Variants in TTN observed in about 807,000 individuals in gnomAD.
TTN encodes connectin.
A neutral mutation model predicts 3,223.0 loss-of-function variants in TTN; 1,525 were observed. That is an observed-to-expected ratio of 0.47 (90% CI 0.45 to 0.49). TTN has a LOEUF of 0.49. Among genes scored for constraint, TTN ranks in the 20% least tolerant of loss-of-function variants. The probability of loss-of-function intolerance (pLI) is 0.00; values close to 1 mark genes in which losing one functional copy is unlikely to be tolerated. For synonymous variants in TTN, 14,094 were observed against 15,161.0 expected (o/e 0.93, Z 5.17); for missense variants, 40,786 against 43,424.0 (o/e 0.94, Z 5.40).
At chr2:178,541,672 TTGG>T in intron 349 of TTN, 88 bp from the exon 350 acceptor site, 4 of 1,294,666 alleles carry the variant, frequency 3.1e-6, no homozygotes, top group Non-Finnish European at 4.1e-6. Context: ...TAGGTTTTGG[TTGG>T]TATTTTAAAA....
chr2:178,636,387 C>A lies in TTN; in HGVS notation c.41329+11G>T. The A allele has an allele frequency of 6.3e-7, 1 of 1,592,086 alleles. No individual in the cohort carries two copies. The highest frequency in any genetic ancestry group is 1.1e-5 in the South Asian group (1 of 87,412). On this transcript the variant is annotated intron_variant, in intron 225 of 362. Coordinates refer to ENST00000589042, the MANE Select transcript of TTN (RefSeq NM_001267550.2). The surrounding 1 kb of genome is among the most constrained non-coding windows in gnomAD (Gnocchi z 4.3). ...TTTAATATAGATTATGTTCAGAAGA[C>A]TAGAAATTACCTTCTACAACAAGTT... is the stretch of plus-strand genomic sequence containing the variant.
In TTN at chr2:178,784,085, G is replaced by C; in HGVS notation, c.2760C>G (p.His920Gln). The C allele has an allele frequency of 5.6e-6, 9 of 1,613,468 alleles. No homozygotes were observed. The highest frequency in any genetic ancestry group is 6.8e-6 in the Non-Finnish European group (8 of 1,179,972). Residue 920 changes from histidine (H) to glutamine (Q), a missense_variant, in exon 16 of 363, where the codon CAC (histidine) becomes CAG (glutamine). His to Gln is a conservative substitution (Grantham distance 24). Transcript: ENST00000589042. Reference sequence around the variant, plus strand: ...AGTGACCAACCTTGGCTTCGCGTCCGTGCAGTACTTCAAAGCGCTCTTCAC... The same window carrying C: ...AGTGACCAACCTTGGCTTCGCGTCCCTGCAGTACTTCAAAGCGCTCTTCAC... ...TVREERFEVL[H>Q]GREAKVTETA...
At chr2:178,615,246 A>G (rs528074366) in intron 259 of TTN, 61 bp downstream of exon 259, 3 of 1,575,496 alleles carry the variant, frequency 1.9e-6, no homozygotes, top group Non-Finnish European at 2.6e-6. Context: ...ATTTTCCCCA[A>G]CAAAGCCCAT....
At chr2:178,610,028 T>C (rs1459158505) in intron 271 of TTN, 42 bp from the exon 272 acceptor site, 1 of 1,610,298 alleles carries the variant, frequency 6.2e-7, no homozygotes, top group Admixed American at 1.7e-5. Context: ...GAAAACCACC[T>C]TCTTAAAACA....
In TTN at chr2:178,621,607, T is replaced by C. The variant is rs1444196912; in HGVS notation, c.45217A>G (p.Thr15073Ala). The change falls in exon 245 of 363, where the codon ACA becomes GCA. Residue 15073 changes from threonine (T) to alanine (A), a missense_variant. Thr to Ala is a moderately conservative substitution (Grantham distance 58). Coordinates refer to ENST00000589042, the MANE Select transcript of TTN (RefSeq NM_001267550.2). ...TCAGTCAGTATTTCATATCTTCCTG[T>C]TTCAATGATCTCCTCATCCCCTTTA... ...WYKGDEEIIE[T>A]GRYEILTEGR... 4.3e-6 allele frequency: 7 copies of C among 1,612,546 alleles called. No homozygotes were observed. The highest frequency in any genetic ancestry group is 5.1e-6 in the Non-Finnish European group (6 of 1,179,110).
chr2:178,787,721 C>G (rs1255997005), intron 13 of TTN, among the ~76,000 whole-genome samples: 3 of 152,030 alleles, frequency 2.0e-5, no homozygotes, highest in South Asian at 4.2e-4. Context: ...ATGGAAAAAT[C>G]TTAATCATGG....
intron 321 of TTN, among the ~76,000 whole-genome samples, 188 bp from the exon 322 acceptor site, chr2:178,578,373 C>CT (rs1369252712): frequency 6.6e-6 from 1 of 151,222 alleles, no homozygotes; most frequent in African/African-American, 2.4e-5. Flanking sequence ...TAGTTGTTGT[C>CT]TTTTTTGGTG....
At chr2:178,677,551 G>A (rs1577289604) in intron 146 of TTN, 70 bp downstream of exon 146, 2 of 1,458,110 alleles carry the variant, frequency 1.4e-6, no homozygotes, top group South Asian at 1.4e-5. Context: ...AACTGGAGAT[G>A]AACAAAAGGA....
chr2:178,589,758 G>A lies in TTN; in HGVS notation c.61967C>T (p.Thr20656Ile), dbSNP rs1363633199. 2.5e-6 allele frequency: 4 copies of A among 1,613,516 alleles called. No homozygotes were observed. The highest frequency in any genetic ancestry group is 3.4e-6 in the Non-Finnish European group (4 of 1,179,586). ...GTTAATAGCCAGAATGGGAGTTTTT[G>A]TTTCGATGGTTGGCCCAACACCTAC... is the stretch of plus-strand genomic sequence containing the variant. Reference protein sequence around the residue: ...NKVGVGPTIETKTPILAINPI... With the variant: ...NKVGVGPTIEIKTPILAINPI... The change falls in exon 304 of 363, where the codon ACA becomes ATA. Residue 20656 changes from threonine (T) to isoleucine (I), a missense_variant. By Grantham distance (89) the Thr-to-Ile change is moderately conservative. Coordinates refer to ENST00000589042, the MANE Select transcript of TTN (RefSeq NM_001267550.2).
rs2055912067 is a variant in TTN, at chr2:178,609,973, TG to T, written c.51449del (p.Pro17150HisfsTer3). ...IAQDPKQPPD[P>X]PVDVEVHNPT... ...GATTATGAACCTCTACATCTACAGG[TG>T]GATCAGGGGGTTCTGAAGAACAAGA... On this transcript the variant is annotated frameshift_variant, in exon 272 of 363. Coordinates refer to ENST00000589042, the MANE Select transcript of TTN (RefSeq NM_001267550.2). LOFTEE classifies it high-confidence loss of function. 1 of 1,611,604 alleles carries T rather than the reference TG, an allele frequency of 6.2e-7. No homozygotes were observed. The highest frequency in any genetic ancestry group is 8.5e-7 in the Non-Finnish European group (1 of 1,178,886).
chr2:178,725,647 G>T lies in TTN; in HGVS notation c.20557C>A (p.Pro6853Thr). Residue 6853 changes from proline (P) to threonine (T), a missense_variant and splice_region_variant, in exon 71 of 363, where the codon CCA (proline) becomes ACA (threonine). Transcript: ENST00000589042. ...TTCAGTTTGGAGACAAATCTTGGTG[G>T]TTCTGAACAGGAAAAGATGGATGGA... ...TCVCTVKLKE[P>T]PRFVSKLNSL... is the part of the protein sequence containing the mutation. The T allele has an allele frequency of 6.4e-7, 1 of 1,574,276 alleles. No homozygotes were observed. Among genetic ancestry groups the T allele is most frequent in the Non-Finnish European group, 8.6e-7 (1 of 1,159,300 alleles).
chr2:178,570,013 G>A lies in TTN; in HGVS notation c.76119C>T (p.His25373=), dbSNP rs764739209. ...RLRVTGLIEN[H]DYEFRVSAEN... ...CAGCAGAAACTCTGAACTCATAATC[G>A]TGATTTTCTATGAGTCCAGTTACTC... Residue 25373 remains histidine (H), a synonymous_variant, in exon 326 of 363, where the codon CAC becomes CAT. Coordinates refer to ENST00000589042, the MANE Select transcript of TTN (RefSeq NM_001267550.2). 17 of 1,612,800 alleles carry A rather than the reference G, an allele frequency of 1.1e-5. No homozygotes were observed. The East Asian group carries it at 1.3e-4, about 13-fold the overall frequency.
chr2:178,717,559 C>G lies in TTN; in HGVS notation c.25315G>C (p.Gly8439Arg), dbSNP rs1177073291. 1 of 1,612,282 alleles carries G rather than the reference C, an allele frequency of 6.2e-7. No homozygotes were observed. Among genetic ancestry groups the G allele is most frequent in the African/African-American group, 1.3e-5 (1 of 74,972 alleles). Residue 8439 changes from glycine to arginine, a missense_variant, in exon 87 of 363, where the codon GGG becomes CGG. Physicochemically the swap from Gly to Arg is moderately radical, Grantham distance 125. Transcript: ENST00000589042. ...QYNCSASNPL[G>R]TASSSAKLIL... is the part of the protein sequence containing the mutation. Reference sequence around the variant, plus strand: ...AGCTTGGCACTGGATGAAGCAGTCCCAAGAGGATTAGAAGCAGAGCAATTA... The same window carrying G: ...AGCTTGGCACTGGATGAAGCAGTCCGAAGAGGATTAGAAGCAGAGCAATTA...
Position 178,740,809 on chromosome 2 carries a change from G to A in TTN, c.12424C>T (p.Pro4142Ser). The change falls in exon 48 of 363, where the codon CCT becomes TCT. Residue 4142 changes from proline to serine, a missense_variant. Physicochemically the swap from Pro to Ser is moderately conservative, Grantham distance 74. Coordinates refer to ENST00000589042, the MANE Select transcript of TTN (RefSeq NM_001267550.2). ...LCINGSIHFQ[P>S]LKEPSPNLQL... Reference sequence around the variant, plus strand: ...AGGTTGGGAGATGGTTCCTTGAGAGGCTGAAAGTGAATACTGCCATTGATG... The same window carrying A: ...AGGTTGGGAGATGGTTCCTTGAGAGACTGAAAGTGAATACTGCCATTGATG... 1 of 1,613,568 alleles carries A rather than the reference G, an allele frequency of 6.2e-7. No individual in the cohort carries two copies. Among genetic ancestry groups the A allele is most frequent in the Admixed American group, 1.7e-5 (1 of 60,004 alleles).
Position 178,792,274 on chromosome 2 carries a change from A to C in TTN, c.1537-77T>G, listed in dbSNP as rs2093550290. ...AATATGGTGTTTATTAAATATAACA[A>C]CATAGGAATTTGAAGATGTAAAATC... On this transcript the variant is annotated intron_variant, in intron 9 of 362. Coordinates refer to ENST00000589042, the MANE Select transcript of TTN (RefSeq NM_001267550.2). 8 of 1,420,070 alleles carry C rather than the reference A, an allele frequency of 5.6e-6. 1 individual carries two copies. The African/African-American group carries it at 5.8e-5, about 10-fold the overall frequency. The allele number at this position is 1,420,070 out of a possible 1,614,324, so 88.0% of individuals were successfully genotyped here.
intron 121 of TTN, among the ~76,000 whole-genome samples, chr2:178,690,771 G>C (rs999752030): frequency 2.0e-5 from 3 of 151,950 alleles, no homozygotes; most frequent in African/African-American, 7.3e-5. Context: ...TATATGTTAT[G>C]CTATATATAC....
At chr2:178,697,962 T>G (rs1246856701) in intron 112 of TTN, among the ~76,000 whole-genome samples, 1 of 152,196 alleles carries the variant, frequency 6.6e-6, no homozygotes, top group Non-Finnish European at 1.5e-5. Flanking sequence ...GCAGCATTAT[T>G]CACAAAGACC....
At chr2:178,801,029 A>G (rs1337350063) in intron 3 of TTN, among the ~76,000 whole-genome samples, 1 of 152,190 alleles carries the variant, frequency 6.6e-6, no homozygotes, top group Non-Finnish European at 1.5e-5. Flanking sequence ...CTAGCGCTCT[A>G]TTAATATGTG....
In TTN at chr2:178,563,445, G is replaced by A. The variant is rs72648214; in HGVS notation, c.82687C>T (p.Arg27563Cys). Residue 27563 changes from arginine to cysteine, a missense_variant, in exon 326 of 363, where the codon CGT becomes TGT. Arg to Cys is a radical substitution (Grantham distance 180). Transcript: ENST00000589042. This position sits in a 1 kb window ranked among gnomAD's most constrained non-coding sequence, Gnocchi z 4.5. Reference sequence around the variant, plus strand: ...GGTGGATACAAGGCATCACACGCACGGTAGAAAACAGATGGCTCACTAGGT... The same window carrying A: ...GGTGGATACAAGGCATCACACGCACAGTAGAAAACAGATGGCTCACTAGGT... ...GEPSEPSVFYRACDALYPPGP... is the reference protein window; with the variant it reads ...GEPSEPSVFYCACDALYPPGP... The A allele has an allele frequency of 1.2e-5, 20 of 1,613,402 alleles. No individual in the cohort carries two copies. Among genetic ancestry groups the A allele is most frequent in the Middle Eastern group, 1.6e-4 (1 of 6,080 alleles).
Sources: allele counts gnomAD v4.1 joint callset (sites outside exome capture counted in the v4.1 genomes callset), GRCh38; gene constraint gnomAD v4.1.1; non-coding constraint Gnocchi (gnomAD v3.1); transcripts MANE v1.5; gene names NCBI Gene and HGNC (gene_info 2026-07-23, HGNC 2026-07-21).